The following INPP4B variants were observed in gnomAD, a reference collection of about 807,000 sequenced individuals.
The protein encoded by INPP4B is inositol polyphosphate 4-phosphatase type II.
Under a neutral mutation model 122.5 loss-of-function variants are expected in INPP4B, and 55 were observed. That is an observed-to-expected ratio of 0.45 (90% confidence interval 0.36 to 0.56). The LOEUF (loss-of-function observed/expected upper bound fraction) is 0.56, where lower values mean the gene tolerates loss of function less well. Ranked by LOEUF, INPP4B falls within the 20% of genes least tolerant of loss-of-function variation. INPP4B has a pLI of 0.00. For synonymous variants in INPP4B, 403 were observed against 388.7 expected (o/e 1.04, Z -0.43); for missense variants, 1,000 against 1,097.7 (o/e 0.91, Z 1.26).
chr4:142,480,325 G>T (rs1398317951), intron 2 of INPP4B, among the ~76,000 whole-genome samples: 1 of 152,134 alleles, frequency 6.6e-6, no homozygotes, highest in Non-Finnish European at 1.5e-5. Flanking sequence ...AGAGGCAGGA[G>T]GGTGGGGAGG....
chr4:142,841,348 G>A (rs900119992), intron 1 of INPP4B, among the ~76,000 whole-genome samples: 2 of 151,826 alleles, frequency 1.3e-5, no homozygotes, highest in East Asian at 3.9e-4. Context: ...TTGTTCTAAT[G>A]GCAAGAGCTC....
rs192776909 is a variant in INPP4B, at chr4:142,073,684, G to A, written c.2642+8347C>T. Among the ~76,000 whole-genome samples the A allele has an allele frequency of 7.9e-5, 12 of 152,190 alleles. No individual in the cohort carries two copies. In the East Asian group the frequency reaches 2.1e-3, roughly 27 times the overall value. ...ATGAATTCATGGATATCATTGGCTA[G>A]GACAAGGCAGATGGTGTTTGTAGAA... On this transcript the variant is annotated intron_variant, in intron 25 of 25. Transcript: ENST00000262992.
intron 2 of INPP4B, among the ~76,000 whole-genome samples, chr4:142,630,528 G>A (rs764385529): frequency 2.6e-5 from 4 of 151,954 alleles, no homozygotes; most frequent in Non-Finnish European, 5.9e-5. Flanking sequence ...ATGACAGGCT[G>A]GTTAATACAA....
chr4:142,786,152 T>C (rs1775733004), intron 1 of INPP4B, among the ~76,000 whole-genome samples: 2 of 152,042 alleles, frequency 1.3e-5, no homozygotes, highest in Non-Finnish European at 2.9e-5. Context: ...CAGTCTCAAC[T>C]AAAAGGAACC....
chr4:142,629,297 T>C (rs1747364842), intron 2 of INPP4B, among the ~76,000 whole-genome samples: 1 of 152,092 alleles, frequency 6.6e-6, no homozygotes, highest in African/African-American at 2.4e-5. Context: ...CAAATGATTA[T>C]GGATTGTTTT....
intron 2 of INPP4B, among the ~76,000 whole-genome samples, chr4:142,491,594 T>G (rs551557678): frequency 6.6e-6 from 1 of 152,056 alleles, no homozygotes; most frequent in Non-Finnish European, 1.5e-5. Context: ...GAGGTGGAGG[T>G]TGCAGTGAGC....
At chr4:142,333,106 G>A (rs1052983028) in intron 7 of INPP4B, among the ~76,000 whole-genome samples, 1 of 151,808 alleles carries the variant, frequency 6.6e-6, no homozygotes, top group Non-Finnish European at 1.5e-5. Flanking sequence ...ACATGGAAGA[G>A]CCAATCTAGG....
At chr4:142,607,795 G>T (rs1358090806) in intron 2 of INPP4B, among the ~76,000 whole-genome samples, 1 of 152,042 alleles carries the variant, frequency 6.6e-6, no homozygotes, top group Non-Finnish European at 1.5e-5. Flanking sequence ...TAGCTTCCAG[G>T]ATCAAGAGAG....
intron 1 of INPP4B, among the ~76,000 whole-genome samples, chr4:142,756,384 C>CTTACCTTAAATAATAAGAG (rs1770525142): frequency 2.0e-5 from 3 of 151,960 alleles, no homozygotes; most frequent in African/African-American, 4.8e-5. Context: ...GACAATTAAT[C>CTTACCTTAAATAATAAGAG]CTCTTATTAT....
chr4:142,537,460 AGAGAG>A (rs1828404550), intron 2 of INPP4B, among the ~76,000 whole-genome samples: 2 of 120,394 alleles, frequency 1.7e-5, no homozygotes, highest in Non-Finnish European at 1.7e-5. Flanking sequence ...AGAGAGAGAG[AGAGAG>A]AGAGAGATAC....
chr4:142,843,407 T>A (rs1162335716), intron 1 of INPP4B, among the ~76,000 whole-genome samples: 1 of 151,882 alleles, frequency 6.6e-6, no homozygotes, highest in Non-Finnish European at 1.5e-5. Flanking sequence ...TGGAAAAGAT[T>A]CCTTAAGGCT....
chr4:142,353,662 C>G (rs969476823), intron 7 of INPP4B, among the ~76,000 whole-genome samples: 30 of 152,000 alleles, frequency 2.0e-4, no homozygotes, highest in African/African-American at 7.0e-4. Context: ...TTTGCTTAGC[C>G]ACTTATGTCC....
chr4:142,418,070 G>T (rs911724860), intron 5 of INPP4B, among the ~76,000 whole-genome samples: 1 of 152,048 alleles, frequency 6.6e-6, no homozygotes, highest in African/African-American at 2.4e-5. Context: ...CAACAGATAC[G>T]CAGTCTAATT....
chr4:142,220,632 G>A (rs1321414648), intron 12 of INPP4B, among the ~76,000 whole-genome samples: 3 of 152,152 alleles, frequency 2.0e-5, no homozygotes, highest in Non-Finnish European at 2.9e-5. Flanking sequence ...AGTCCAGGCA[G>A]TTTAGCTTTG....
intron 11 of INPP4B, among the ~76,000 whole-genome samples, chr4:142,253,834 G>A (rs898893691): frequency 7.9e-5 from 12 of 152,180 alleles, no homozygotes; most frequent in Admixed American, 3.9e-4. Context: ...CAGGAAGCTC[G>A]AACTCGGTGG....
intron 1 of INPP4B, among the ~76,000 whole-genome samples, chr4:142,826,839 C>T (rs1236622451): frequency 1.3e-5 from 2 of 152,150 alleles, no homozygotes; most frequent in Non-Finnish European, 2.9e-5. Context: ...AGATGAAGCA[C>T]AATAACCATT....
chr4:142,419,792 T>C (rs1280369412), intron 5 of INPP4B, among the ~76,000 whole-genome samples: 1 of 152,126 alleles, frequency 6.6e-6, no homozygotes, highest in Non-Finnish European at 1.5e-5. Flanking sequence ...TACATTTGGA[T>C]GCCATCTGCT....
intron 2 of INPP4B, among the ~76,000 whole-genome samples, chr4:142,464,927 C>G (rs182380656): frequency 7.6e-4 from 116 of 152,210 alleles, no homozygotes; most frequent in African/African-American, 2.7e-3. Flanking sequence ...GTATCCTGTC[C>G]TTATTAACAG....
chr4:142,317,346 TG>T, intron 7 of INPP4B: 1 of 357,794 alleles, frequency 2.8e-6, no homozygotes, highest in South Asian at 2.6e-5. Flanking sequence ...GGGAAATGAC[TG>T]ATGGCTTCAA....
Sources: gnomAD v4.1 joint callset for allele counts (sites outside exome capture counted in the v4.1 genomes callset) on GRCh38, gnomAD v4.1.1 for gene constraint, MANE v1.5 for transcripts, NCBI Gene and HGNC (gene_info 2026-07-23, HGNC 2026-07-21) for gene names.